Variants in SNAP25 observed in about 807,000 individuals in gnomAD.
SNAP25 encodes the protein synaptosomal-associated protein 25.
In SNAP25, 3 loss-of-function variants were observed where a neutral mutation model predicts 28.7. The ratio of observed to expected loss-of-function variants is 0.10; its 90% confidence interval spans 0.05 to 0.27. SNAP25 has a LOEUF of 0.27. SNAP25 is among the 10% of genes least tolerant of loss of function. The pLI is 1.00. For synonymous variants in SNAP25, 61 were observed against 88.1 expected, an observed-to-expected ratio of 0.69 and a Z score of 1.72; for missense variants, 117 against 278.7, an observed-to-expected ratio of 0.42 and a Z score of 4.13.
At chr20:10,248,931 C>T (rs945020418) in intron 1 of SNAP25, among the ~76,000 whole-genome samples, 1 of 152,150 alleles carries the variant, frequency 6.6e-6, no homozygotes, top group Admixed American at 6.5e-5. Flanking sequence ...AACCACTCTG[C>T]GAATAACTCT....
At chr20:10,223,685 A>G (rs1037936992) in intron 1 of SNAP25, among the ~76,000 whole-genome samples, 5 of 152,154 alleles carry the variant, frequency 3.3e-5, no homozygotes, top group African/African-American at 1.2e-4. Flanking sequence ...AAAAAGTCTT[A>G]CAAGAGGAAA....
chr20:10,251,748 A>G (rs907068232), intron 1 of SNAP25, among the ~76,000 whole-genome samples: 4 of 152,112 alleles, frequency 2.6e-5, no homozygotes, highest in African/African-American at 9.7e-5. Context: ...TTTTCATCGT[A>G]TATCCCCTCA....
chr20:10,265,866 T>G (rs1568601334), intron 1 of SNAP25, among the ~76,000 whole-genome samples: 2 of 152,178 alleles, frequency 1.3e-5, no homozygotes, highest in Non-Finnish European at 2.9e-5. Context: ...TGATATGTTG[T>G]TCAGTACGTG....
At chr20:10,298,108 C>T (rs67253321) in intron 6 of SNAP25, among the ~76,000 whole-genome samples, 1 of 151,716 alleles carries the variant, frequency 6.6e-6, no homozygotes, top group African/African-American at 2.4e-5. Context: ...CCAGGGGAGA[C>T]TTTTTTTTCT....
chr20:10,306,067 C>A, intron 7 of SNAP25, 62 bp from the exon 8 acceptor site: 1 of 1,543,296 alleles, frequency 6.5e-7, no homozygotes. Context: ...GACCCGGACC[C>A]AGAAGGGTGA....
At chr20:10,247,448 T>G (rs2063149084) in intron 1 of SNAP25, among the ~76,000 whole-genome samples, 1 of 152,252 alleles carries the variant, frequency 6.6e-6, no homozygotes. Context: ...GGCATTAAAC[T>G]GGAAATACAT....
chr20:10,277,278 T>A (rs775126505), intron 2 of SNAP25, among the ~76,000 whole-genome samples: 1 of 152,212 alleles, frequency 6.6e-6, no homozygotes, highest in Admixed American at 6.5e-5. Context: ...GATGTTATAT[T>A]CATCTCGATT....
At chr20:10,286,890 C>A (rs913243137) in intron 4 of SNAP25, among the ~76,000 whole-genome samples, 4 of 152,136 alleles carry the variant, frequency 2.6e-5, no homozygotes, top group Non-Finnish European at 5.9e-5. Context: ...AAGAACTCCC[C>A]CAATGGGTTT....
At chr20:10,230,977 C>A (rs1389044086) in intron 1 of SNAP25, among the ~76,000 whole-genome samples, 2 of 152,144 alleles carry the variant, frequency 1.3e-5, no homozygotes, top group Non-Finnish European at 2.9e-5. Context: ...CCCCCAGAAT[C>A]TTGTCTCCAA....
At chr20:10,284,100 T>G (rs998392905) in intron 3 of SNAP25, among the ~76,000 whole-genome samples, 9 of 152,186 alleles carry the variant, frequency 5.9e-5, no homozygotes, top group African/African-American at 1.9e-4. Context: ...GAGCCCTTAT[T>G]TCTCATCTCA....
At chr20:10,296,904 C>T (rs1174187660) in intron 5 of SNAP25, 21 bp from the exon 6 acceptor site, 1 of 1,613,878 alleles carries the variant, frequency 6.2e-7, no homozygotes, top group East Asian at 2.2e-5. Flanking sequence ...TGCCTTGTCA[C>T]TCACCCTCTC....
chr20:10,248,051 A>G (rs363015), intron 1 of SNAP25, among the ~76,000 whole-genome samples: 49,643 of 152,040 alleles, frequency 0.33, 8,679 homozygotes, highest in Middle Eastern at 0.45. Context: ...TGTTCACCTA[A>G]TGGTTGCATG....
intron 7 of SNAP25, among the ~76,000 whole-genome samples, chr20:10,303,056 C>A (rs1351106318): frequency 6.6e-6 from 1 of 152,130 alleles, no homozygotes; most frequent in East Asian, 1.9e-4. Context: ...CTCAGGAATG[C>A]CATCATTTTA....
rs180697074 is a variant in SNAP25, at chr20:10,268,890, G to T, written c.-63-6539G>T. Among the ~76,000 whole-genome samples the T allele has an allele frequency of 2.6e-5, 4 of 152,058 alleles. No individual in the cohort carries two copies. In the South Asian group the frequency reaches 8.3e-4, roughly 32 times the overall value. On this transcript the variant is annotated intron_variant, in intron 1 of 7. Coordinates refer to ENST00000254976, the MANE Select transcript of SNAP25 (RefSeq NM_130811.4). ...TTTCCGTTTCTGATGCTAAACATCT[G>T]TCTCAGATGTTTCTGTCTCCCACCA...
At chr20:10,258,374 GA>G (rs1439244709) in intron 1 of SNAP25, among the ~76,000 whole-genome samples, 3 of 152,082 alleles carry the variant, frequency 2.0e-5, no homozygotes, top group Admixed American at 6.6e-5. Context: ...ATATTTTTAT[GA>G]GACTCATGTT....
intron 4 of SNAP25, among the ~76,000 whole-genome samples, chr20:10,291,025 T>C (rs904620319): frequency 1.3e-5 from 2 of 152,206 alleles, no homozygotes; most frequent in East Asian, 3.8e-4. Flanking sequence ...AAAATCTTCT[T>C]GAATGTAGGG....
intron 1 of SNAP25, among the ~76,000 whole-genome samples, chr20:10,230,210 T>C (rs564739969): frequency 1.0e-3 from 154 of 152,208 alleles, no homozygotes; most frequent in African/African-American, 3.5e-3. Context: ...ACTTGCTCAC[T>C]GCTTATTTCC....
intron 3 of SNAP25, among the ~76,000 whole-genome samples, chr20:10,282,251 A>T (rs2063794783): frequency 1.3e-5 from 2 of 151,842 alleles, no homozygotes; most frequent in African/African-American, 4.8e-5. Context: ...GGAAAGTAAA[A>T]AGGAGCCTGT....
chr20:10,269,682 CTG>C (rs945485270), intron 1 of SNAP25, among the ~76,000 whole-genome samples: 37 of 152,216 alleles, frequency 2.4e-4, no homozygotes, highest in Admixed American at 9.2e-4. Context: ...CCACTCAACT[CTG>C]TTGTTGTAGC....
Sources: gnomAD v4.1 joint callset for allele counts (sites outside exome capture counted in the v4.1 genomes callset) on GRCh38, gnomAD v4.1.1 for gene constraint, MANE v1.5 for transcripts, NCBI Gene and HGNC (gene_info 2026-07-23, HGNC 2026-07-21) for gene names.